The following MTPN variants were observed in gnomAD, a reference collection of about 807,000 sequenced individuals.
MTPN encodes the protein granule cell differentiation protein.
MTPN carries 2 observed loss-of-function variants against 13.5 expected under a neutral mutation model. The ratio of observed to expected loss-of-function variants is 0.15; its 90% CI spans 0.06 to 0.47. The LOEUF (loss-of-function observed/expected upper bound fraction) is 0.47. MTPN is among the 20% of genes least tolerant of loss of function. MTPN has a pLI of 0.97. For synonymous variants in MTPN, 46 were observed against 51.7 expected (o/e 0.89, Z 0.48); for missense variants, 79 against 137.9 (o/e 0.57, Z 2.14).
chr7:135,947,795 G>A (rs188518626), intron 3 of MTPN, among the ~76,000 whole-genome samples: 18 of 151,862 alleles, frequency 1.2e-4, no homozygotes, highest in Non-Finnish European at 5.9e-5. Flanking sequence ...CCATAAAAGA[G>A]AGATAATAAT....
At position 135,929,911 on chromosome 7, in the gene MTPN, C is replaced by T. The variant is rs757388998; in HGVS notation, c.*15G>A. On this transcript the variant is annotated 3_prime_UTR_variant, in exon 4 of 4. Transcript: ENST00000393085. ...AGGAGAGTCATTCTTCCGGAGTTAT[C>T]AGTCCATCCATCCATCACTGGAGAA... The T allele has an allele frequency of 6.2e-7, 1 of 1,612,944 alleles. No homozygotes were observed.
chr7:135,958,735 ATTTGCTGT>A (rs1170683349), intron 1 of MTPN, among the ~76,000 whole-genome samples: 1 of 152,112 alleles, frequency 6.6e-6, no homozygotes. Context: ...ATTTTCATTG[ATTTGCTGT>A]TATCCTGAAT....
chr7:135,962,048 TA>T (rs1336393418), intron 1 of MTPN, among the ~76,000 whole-genome samples: 1 of 151,882 alleles, frequency 6.6e-6, no homozygotes, highest in African/African-American at 2.4e-5. Flanking sequence ...GATTAATAAT[TA>T]ATGAGATTGT....
chr7:135,928,350 A>T lies in MTPN; in HGVS notation c.*1576T>A, dbSNP rs911145773. ...CACACACCCACATGCCAACCAACCA[A>T]CCAACCAGCAACTGATCAGTAAAAC... On this transcript the variant is annotated 3_prime_UTR_variant, in exon 4 of 4. Coordinates refer to ENST00000393085, the MANE Select transcript of MTPN (RefSeq NM_145808.4). 1.2e-5 allele frequency: 2 copies of T among 166,960 alleles called. No homozygotes were observed. The highest frequency in any genetic ancestry group is 2.9e-5 in the Non-Finnish European group (2 of 68,114). 10.3% of individuals were successfully genotyped at this position (166,960 alleles called of 1,614,324 possible). A position where few individuals can be genotyped will look rare whatever the true frequency, so the allele number is the denominator to read the frequency against.
intron 3 of MTPN, among the ~76,000 whole-genome samples, chr7:135,931,731 T>C (rs1186003249): frequency 6.6e-6 from 1 of 152,200 alleles, no homozygotes; most frequent in Non-Finnish European, 1.5e-5. Flanking sequence ...TGAACTTCTG[T>C]TGCTTTTTAG....
chr7:135,951,467 T>G, intron 2 of MTPN, 50 bp downstream of exon 2: 1 of 1,118,818 alleles, frequency 8.9e-7, no homozygotes, highest in Non-Finnish European at 1.3e-6. Flanking sequence ...CAATTACCCA[T>G]AGCATATTAA....
chr7:135,939,602 C>T (rs75941839), intron 3 of MTPN, among the ~76,000 whole-genome samples: 41 of 18,186 alleles, frequency 2.3e-3, no homozygotes, highest in East Asian at 3.3e-3. Flanking sequence ...GTGCGTGGGG[C>T]GGGTGCCCAG....
rs975257368 is a variant in MTPN, at chr7:135,929,625, A to G, written c.*301T>C. On this transcript the variant is annotated 3_prime_UTR_variant, in exon 4 of 4. Transcript: ENST00000393085. ...ATTAGCTAGGGAGCTGAAAAGGTCA[A>G]ATGTTACTGGTGTATTTTGTCTTTG... 2 of 319,692 alleles carry G rather than the reference A, an allele frequency of 6.3e-6. No individual in the cohort carries two copies. Among genetic ancestry groups the G allele is most frequent in the African/African-American group, 4.3e-5 (2 of 46,964 alleles). 19.8% of individuals were successfully genotyped at this position (319,692 alleles called of 1,614,324 possible). A position where few individuals can be genotyped will look rare whatever the true frequency, so the allele number is the denominator to read the frequency against.
At chr7:135,963,468 C>T (rs530151955) in intron 1 of MTPN, among the ~76,000 whole-genome samples, 6 of 151,864 alleles carry the variant, frequency 4.0e-5, no homozygotes, top group African/African-American at 9.7e-5. Flanking sequence ...ACCACTGAGG[C>T]GGCAAAGCAA....
chr7:135,935,943 A>G (rs1276214945), intron 3 of MTPN, among the ~76,000 whole-genome samples: 1 of 152,078 alleles, frequency 6.6e-6, no homozygotes, highest in Admixed American at 6.6e-5. Context: ...CTGGAGCTGT[A>G]ATGACATTCT....
chr7:135,957,775 A>T (rs1799465474), intron 1 of MTPN, among the ~76,000 whole-genome samples: 1 of 152,120 alleles, frequency 6.6e-6, no homozygotes, highest in East Asian at 1.9e-4. Flanking sequence ...TTCTTATCCC[A>T]TTAGTTCTTG....
chr7:135,940,813 A>G (rs558673697), intron 3 of MTPN, among the ~76,000 whole-genome samples: 1 of 152,200 alleles, frequency 6.6e-6, no homozygotes, highest in East Asian at 1.9e-4. Context: ...GATGGCACAC[A>G]TATGACTTGT....
chr7:135,961,951 G>A (rs1413031721), intron 1 of MTPN, among the ~76,000 whole-genome samples: 2 of 151,952 alleles, frequency 1.3e-5, no homozygotes, highest in East Asian at 3.9e-4. Flanking sequence ...CTGAAGAACG[G>A]CAAGAAAACA....
intron 1 of MTPN, among the ~76,000 whole-genome samples, chr7:135,958,206 T>C (rs1228532472): frequency 1.3e-5 from 2 of 152,174 alleles, no homozygotes; most frequent in Non-Finnish European, 2.9e-5. Flanking sequence ...ATCAGGTATG[T>C]TATTTATATA....
At chr7:135,953,353 T>C (rs1381230225) in intron 1 of MTPN, among the ~76,000 whole-genome samples, 1 of 152,150 alleles carries the variant, frequency 6.6e-6, no homozygotes, top group Non-Finnish European at 1.5e-5. Context: ...TCCTTGGGAG[T>C]AGAAATTATA....
At position 135,930,032 on chromosome 7, in the gene MTPN, G is replaced by T; in HGVS notation, c.271-20C>A. 1 of 1,589,052 alleles carries T rather than the reference G, an allele frequency of 6.3e-7. No individual in the cohort carries two copies. The highest frequency in any genetic ancestry group is 8.6e-7 in the Non-Finnish European group (1 of 1,165,948). On this transcript the variant is annotated intron_variant, in intron 3 of 3. Transcript: ENST00000393085. ...AGCACCCTGGAAAAGAGAGGAAAGG[G>T]CTCATTAAATGAGCCCACAACTGGG...
intron 1 of MTPN, among the ~76,000 whole-genome samples, chr7:135,973,185 G>A (rs997773945): frequency 2.7e-5 from 4 of 149,468 alleles, no homozygotes; most frequent in African/African-American, 9.8e-5. Flanking sequence ...CACCTAAACT[G>A]TGTAAACTGA....
At chr7:135,967,357 C>G (rs897113947) in intron 1 of MTPN, among the ~76,000 whole-genome samples, 5 of 152,046 alleles carry the variant, frequency 3.3e-5, no homozygotes, top group Non-Finnish European at 7.4e-5. Flanking sequence ...GAATATAAAA[C>G]TTCAGGAAGA....
At chr7:135,931,768 G>A (rs1156470150) in intron 3 of MTPN, among the ~76,000 whole-genome samples, 1 of 151,996 alleles carries the variant, frequency 6.6e-6, no homozygotes, top group Admixed American at 6.6e-5. Flanking sequence ...CCCTCCATTT[G>A]ATGGCAGCAC....
Sources: allele counts gnomAD v4.1 joint callset (sites outside exome capture counted in the v4.1 genomes callset), GRCh38; gene constraint gnomAD v4.1.1; transcripts MANE v1.5; gene names NCBI Gene and HGNC (gene_info 2026-07-23, HGNC 2026-07-21).